Variants in ZMYM2 observed in about 807,000 individuals in gnomAD.
ZMYM2 encodes the protein zinc finger MYM-type protein 2.
A neutral mutation model predicts 162.8 loss-of-function variants in ZMYM2; 56 were observed. That is an observed-to-expected ratio of 0.34 (90% CI 0.28 to 0.43). The LOEUF (loss-of-function observed/expected upper bound fraction) is 0.43, where lower values mean the gene tolerates loss of function less well. ZMYM2 is among the 20% of genes least tolerant of loss of function. The probability of loss-of-function intolerance (pLI) is 1.00; values close to 1 mark genes in which losing one functional copy is unlikely to be tolerated. For synonymous variants in ZMYM2, 510 were observed against 541.6 expected, an observed-to-expected ratio of 0.94 and a Z score of 0.81; for missense variants, 1,275 against 1,621.8, an observed-to-expected ratio of 0.79 and a Z score of 3.67.
rs2139743661 is a variant in ZMYM2, at chr13:19,993,508, A to G, written c.436A>G (p.Thr146Ala). ...TTTTATTGAACGAAGACCTCCTGAGACTAAAAACAGAACCAATGATGTGGA... is the reference window on the plus strand; with the variant it reads ...TTTTATTGAACGAAGACCTCCTGAGGCTAAAAACAGAACCAATGATGTGGA... Reference protein sequence around the residue: ...SNFIERRPPETKNRTNDVDFS... With the variant: ...SNFIERRPPEAKNRTNDVDFS... Residue 146 changes from threonine to alanine, a missense_variant, in exon 3 of 25, where the codon ACT (threonine) becomes GCT (alanine). Physicochemically the swap from Thr to Ala is moderately conservative, Grantham distance 58. Coordinates refer to ENST00000610343, the MANE Select transcript of ZMYM2 (RefSeq NM_197968.4). 6.2e-7 allele frequency: 1 copy of G among 1,614,108 alleles called. No individual in the cohort carries two copies. Among genetic ancestry groups the G allele is most frequent in the Middle Eastern group, 1.6e-4 (1 of 6,062 alleles).
chr13:20,079,316 C>CAAAAAAAA lies in ZMYM2; in HGVS notation c.3454-2680_3454-2673dup, dbSNP rs1158594782. ...CTGGCAACAGAGTAAGACTCTGTCTCAAAAAAAAAAAAAAAAAAAAAAAAA... is the reference window on the plus strand; with the variant it reads ...CTGGCAACAGAGTAAGACTCTGTCTCAAAAAAAAAAAAAAAAAAAAAAAAAAAAAAAAA... On this transcript the variant is annotated intron_variant, in intron 21 of 24. Coordinates refer to ENST00000610343, the MANE Select transcript of ZMYM2 (RefSeq NM_197968.4). Among the ~76,000 whole-genome samples the CAAAAAAAA allele has an allele frequency of 7.8e-3, 180 of 23,156 alleles. 19 individuals carry two copies. The highest frequency in any genetic ancestry group is 0.091 in the Middle Eastern group (2 of 22). 15.2% of individuals were successfully genotyped at this position (23,156 alleles called of 152,430 possible). A position where few individuals can be genotyped will look rare whatever the true frequency, so the allele number is the denominator to read the frequency against.
chr13:20,071,685 A>G (rs1443755603), intron 21 of ZMYM2: 1 of 164,178 alleles, frequency 6.1e-6, no homozygotes, highest in Non-Finnish European at 1.3e-5. Context: ...CTATGTGGGC[A>G]TGGGGAGATG....
At chr13:20,046,601 G>A (rs1301211589) in intron 12 of ZMYM2, among the ~76,000 whole-genome samples, 2 of 25,300 alleles carry the variant, frequency 7.9e-5, no homozygotes, top group Non-Finnish European at 2.3e-4. Flanking sequence ...GTGTGTGTGT[G>A]TGTGTGTATA....
At position 20,011,655 on chromosome 13, in the gene ZMYM2, G is replaced by A. The variant is rs372510131; in HGVS notation, c.1512+5069G>A. 2.3e-4 allele frequency among the ~76,000 whole-genome samples: 35 copies of A among 149,394 alleles called. 1 individual carries two copies. The highest frequency in any genetic ancestry group is 7.2e-4 in the African/African-American group (29 of 40,340). On this transcript the variant is annotated intron_variant, in intron 6 of 24. Transcript: ENST00000610343. ...AGTGCAATGGCACGATCTTGGCTCA[G>A]TGCAACCTCTGCCTCCTTGGTTCAA...
the ZMYM2 span, among the ~76,000 whole-genome samples, chr13:19,895,356 T>C: frequency 6.6e-6 from 1 of 151,948 alleles, no homozygotes; most frequent in African/African-American, 2.4e-5. Flanking sequence ...TATAACAGAA[T>C]ATCTTAAACT....
chr13:19,958,878 C>T (rs1183239187), intron 1 of ZMYM2, 37 bp downstream of exon 1: 38 of 152,536 alleles, frequency 2.5e-4, no homozygotes, highest in Non-Finnish European at 4.2e-4. Context: ...AGTCCAGGGC[C>T]GCCGAGAGTG....
chr13:19,949,756 G>A, the ZMYM2 span, among the ~76,000 whole-genome samples: 3 of 151,598 alleles, frequency 2.0e-5, no homozygotes, highest in Admixed American at 6.6e-5. Flanking sequence ...GCGTGGTGGC[G>A]GGTGCCTGTA....
the ZMYM2 span, among the ~76,000 whole-genome samples, chr13:19,936,063 G>A: frequency 6.6e-6 from 1 of 152,096 alleles, no homozygotes. Context: ...TATCTAACTA[G>A]CAACAATAAA....
At chr13:19,996,609 C>T (rs1201345123) in intron 3 of ZMYM2, among the ~76,000 whole-genome samples, 4 of 151,922 alleles carry the variant, frequency 2.6e-5, no homozygotes, top group African/African-American at 2.4e-5. Context: ...GCCAGCTGCT[C>T]GGGAGGCTGA....
chr13:19,872,137 GTTC>G, the ZMYM2 span, among the ~76,000 whole-genome samples: 6 of 148,044 alleles, frequency 4.1e-5, no homozygotes, highest in Admixed American at 1.3e-4. Context: ...GTCTGGCTAA[GTTC>G]TTTTTTTTTT....
At chr13:19,906,159 C>T in the ZMYM2 span, among the ~76,000 whole-genome samples, 1 of 151,216 alleles carries the variant, frequency 6.6e-6, no homozygotes, top group African/African-American at 2.4e-5. Flanking sequence ...CCTGTAATAC[C>T]AGCTATTTGG....
chr13:20,072,951 C>T (rs942064686), intron 21 of ZMYM2, among the ~76,000 whole-genome samples: 13 of 151,838 alleles, frequency 8.6e-5, no homozygotes, highest in African/African-American at 3.1e-4. Context: ...CTTTGTCGCA[C>T]AGGCTGGTGT....
chr13:20,029,476 T>G (rs1952878871), intron 9 of ZMYM2, among the ~76,000 whole-genome samples: 1 of 152,104 alleles, frequency 6.6e-6, no homozygotes, highest in Admixed American at 6.5e-5. Context: ...GGGGCTCAAA[T>G]TTTTTGGAAA....
At chr13:20,030,461 T>G (rs558640366) in intron 9 of ZMYM2, among the ~76,000 whole-genome samples, 76 of 149,782 alleles carry the variant, frequency 5.1e-4, no homozygotes, top group Admixed American at 1.0e-3. Flanking sequence ...TGCAGTGGCG[T>G]GATCTCGGCT....
chr13:20,059,164 A>G (rs767528069), intron 15 of ZMYM2, among the ~76,000 whole-genome samples: 2 of 151,750 alleles, frequency 1.3e-5, no homozygotes, highest in Non-Finnish European at 2.9e-5. Context: ...TGTTGAGGAG[A>G]GTATGGTAGG....
chr13:19,934,759 C>A, the ZMYM2 span, among the ~76,000 whole-genome samples: 1 of 52,596 alleles, frequency 1.9e-5, no homozygotes, highest in Non-Finnish European at 7.7e-5. Context: ...TTTCTTTTTT[C>A]TTTCTTTCTT....
chr13:19,874,382 G>A, the ZMYM2 span, among the ~76,000 whole-genome samples: 13 of 152,018 alleles, frequency 8.6e-5, no homozygotes, highest in Admixed American at 7.9e-4. Context: ...ACCACACCCA[G>A]CTAATATTTA....
intron 6 of ZMYM2, among the ~76,000 whole-genome samples, chr13:20,013,579 C>CT (rs1287932145): frequency 1.3e-5 from 2 of 151,998 alleles, no homozygotes; most frequent in East Asian, 3.9e-4. Flanking sequence ...ATATGCATGG[C>CT]TTTTAGTATG....
intron 10 of ZMYM2, 55 bp from the exon 11 acceptor site, chr13:20,034,199 T>TCGTAAGC: frequency 2.5e-6 from 1 of 398,118 alleles, no homozygotes; most frequent in Non-Finnish European, 3.8e-6. Flanking sequence ...AAGTGGCGTG[T>TCGTAAGC]TTATTTCTTA....
Sources: gnomAD v4.1 joint callset for allele counts (sites outside exome capture counted in the v4.1 genomes callset) on GRCh38, gnomAD v4.1.1 for gene constraint, MANE v1.5 for transcripts, NCBI Gene and HGNC (gene_info 2026-07-23, HGNC 2026-07-21) for gene names.